OPCML: variants seen among roughly 807,000 people sequenced by gnomAD.
OPCML encodes opioid binding protein/cell adhesion molecule like.
Under a neutral mutation model 37.8 loss-of-function variants are expected in OPCML, and 13 were observed. That is an observed-to-expected ratio of 0.34 (90% CI 0.22 to 0.55). The LOEUF (loss-of-function observed/expected upper bound fraction) is 0.55. Ranked by LOEUF, OPCML falls within the 20% of genes least tolerant of loss-of-function variation. The pLI, the probability that OPCML is intolerant of heterozygous loss-of-function variation, is 0.91. For synonymous variants in OPCML, 176 were observed against 168.8 expected, an observed-to-expected ratio of 1.04 and a Z score of -0.33; for missense variants, 341 against 435.6, an observed-to-expected ratio of 0.78 and a Z score of 1.93.
Position 132,419,019 on chromosome 11 carries a change from G to C in OPCML, c.*1174C>G, listed in dbSNP as rs191148081. On this transcript the variant is annotated 3_prime_UTR_variant, in exon 8 of 8. Coordinates refer to ENST00000524381, the MANE Select transcript of OPCML (RefSeq NM_001012393.5). ...TTGCTACTTTGGCCTATCTGTTAGT[G>C]TCTCCCTTGGGTGGATAGGATACCA... 6.6e-6 allele frequency: 1 copy of C among 152,658 alleles called. No individual in the cohort carries two copies. Among genetic ancestry groups the C allele is most frequent in the African/African-American group, 2.4e-5 (1 of 41,468 alleles). The allele number at this position is 152,658 out of a possible 1,614,324, so 9.5% of individuals were successfully genotyped here.
chr11:132,643,130 A>G, intron 3 of OPCML, among the ~76,000 whole-genome samples: 1 of 139,066 alleles, frequency 7.2e-6, no homozygotes, highest in Non-Finnish European at 1.5e-5. Flanking sequence ...AATACAAAAC[A>G]GCCAGGCATG....
intron 1 of OPCML, among the ~76,000 whole-genome samples, chr11:133,062,360 A>T (rs1948359080): frequency 6.6e-6 from 1 of 152,212 alleles, no homozygotes; most frequent in East Asian, 1.9e-4. Context: ...ACCTGCATGT[A>T]GGCAAAATCG....
At chr11:133,418,729 T>C (rs1398817007) in intron 1 of OPCML, among the ~76,000 whole-genome samples, 1 of 152,192 alleles carries the variant, frequency 6.6e-6, no homozygotes, top group Admixed American at 6.5e-5. Flanking sequence ...TTTAGAGTTA[T>C]GAGAGGGGCA....
chr11:132,862,443 G>T (rs1262278081), intron 2 of OPCML, among the ~76,000 whole-genome samples: 1 of 149,814 alleles, frequency 6.7e-6, no homozygotes, highest in Admixed American at 6.7e-5. Flanking sequence ...AGCTGGACAG[G>T]CTCATAAACA....
chr11:132,442,989 A>T (rs1263521590), intron 4 of OPCML, among the ~76,000 whole-genome samples: 1 of 152,202 alleles, frequency 6.6e-6, no homozygotes, highest in Non-Finnish European at 1.5e-5. Flanking sequence ...AACAAAAAAA[A>T]CTTGGTGTTG....
intron 1 of OPCML, among the ~76,000 whole-genome samples, chr11:133,323,081 C>T (rs2136626123): frequency 6.6e-6 from 1 of 152,260 alleles, no homozygotes; most frequent in South Asian, 2.1e-4. Context: ...AGCCCACCAG[C>T]ACGTTGACCA....
chr11:133,208,743 C>T lies in OPCML; in HGVS notation c.62-265733G>A, dbSNP rs573745053. ...TAAAGGCTGCTGTAAGACTGAAGCA[C>T]ACGTTATCTAAAGCAATGGCCCTTC... On this transcript the variant is annotated intron_variant, in intron 1 of 7. Transcript: ENST00000524381. The surrounding 1 kb of genome is among the most constrained non-coding windows in gnomAD (Gnocchi z 8.9). 2.6e-5 allele frequency among the ~76,000 whole-genome samples: 4 copies of T among 152,310 alleles called. No individual in the cohort carries two copies. Among genetic ancestry groups the T allele is most frequent in the East Asian group, 1.9e-4 (1 of 5,178 alleles).
intron 1 of OPCML, among the ~76,000 whole-genome samples, chr11:132,999,345 C>T (rs1423965167): frequency 6.6e-6 from 1 of 151,994 alleles, no homozygotes; most frequent in African/African-American, 2.4e-5. Context: ...CACACAGACT[C>T]GGTTTGGGGA....
intron 1 of OPCML, among the ~76,000 whole-genome samples, chr11:133,107,815 A>T (rs1949184694): frequency 6.6e-6 from 1 of 152,242 alleles, no homozygotes; most frequent in Non-Finnish European, 1.5e-5. Flanking sequence ...GTTCTGTAAC[A>T]ACTCATTTTA....
At chr11:132,422,184 C>T (rs1040152289) in intron 7 of OPCML, among the ~76,000 whole-genome samples, 4 of 152,068 alleles carry the variant, frequency 2.6e-5, no homozygotes, top group Non-Finnish European at 5.9e-5. Flanking sequence ...AATTGAAGCC[C>T]TGATATGCTC....
chr11:132,855,747 G>A, intron 2 of OPCML, among the ~76,000 whole-genome samples: 1 of 152,118 alleles, frequency 6.6e-6, no homozygotes, highest in East Asian at 1.9e-4. Context: ...AATCCATCCA[G>A]GATTCCTGAG....
intron 1 of OPCML, among the ~76,000 whole-genome samples, chr11:133,494,639 C>T (rs1205969798): frequency 1.4e-5 from 2 of 146,384 alleles, no homozygotes; most frequent in Admixed American, 6.8e-5. Flanking sequence ...CCAAACACTG[C>T]ATGTTCTCAC....
intron 1 of OPCML, among the ~76,000 whole-genome samples, chr11:133,203,830 G>A (rs951258516): frequency 1.3e-5 from 2 of 152,146 alleles, no homozygotes; most frequent in South Asian, 2.1e-4. Flanking sequence ...AGGCTGAGGC[G>A]GGTGGATCAC....
At chr11:133,433,093 T>G (rs1946158100) in intron 1 of OPCML, among the ~76,000 whole-genome samples, 1 of 152,086 alleles carries the variant, frequency 6.6e-6, no homozygotes, top group Admixed American at 6.6e-5. Context: ...CTATTGAAAT[T>G]TTACTCTCAA....
chr11:132,986,608 G>A (rs541044505), intron 1 of OPCML, among the ~76,000 whole-genome samples: 16 of 152,134 alleles, frequency 1.1e-4, no homozygotes, highest in East Asian at 1.9e-4. Flanking sequence ...AGGAATCCTC[G>A]AACAAATAAA....
intron 2 of OPCML, among the ~76,000 whole-genome samples, chr11:132,757,371 A>G (rs1216268412): frequency 1.3e-5 from 2 of 152,188 alleles, no homozygotes; most frequent in East Asian, 1.9e-4. Flanking sequence ...TTGAGGAATC[A>G]CCACACTGCC....
chr11:132,996,015 G>T (rs562325510), intron 1 of OPCML, among the ~76,000 whole-genome samples: 7 of 152,184 alleles, frequency 4.6e-5, no homozygotes, highest in African/African-American at 9.6e-5. Flanking sequence ...TGGTGATGAG[G>T]GTCCCTTCCA....
At chr11:132,559,014 T>C (rs1411578228) in intron 3 of OPCML, among the ~76,000 whole-genome samples, 1 of 152,096 alleles carries the variant, frequency 6.6e-6, no homozygotes, top group Admixed American at 6.5e-5. Flanking sequence ...GTCAATTCAG[T>C]TCCAATCAGT....
chr11:132,802,618 C>CA (rs35349835), intron 2 of OPCML, among the ~76,000 whole-genome samples: 72,536 of 151,692 alleles, frequency 0.48, 17,504 homozygotes, highest in Admixed American at 0.51. Context: ...CAGAAATATG[C>CA]AAAAAAAATT....
Sources: allele counts gnomAD v4.1 joint callset (sites outside exome capture counted in the v4.1 genomes callset), GRCh38; gene constraint gnomAD v4.1.1; non-coding constraint Gnocchi (gnomAD v3.1); transcripts MANE v1.5; gene names NCBI Gene and HGNC (gene_info 2026-07-23, HGNC 2026-07-21).